The following LRP8 variants were observed in gnomAD, a reference collection of about 807,000 sequenced individuals.
LRP8 encodes the protein LDL receptor related protein 8, also known as low-density lipoprotein receptor-related protein 8.
Under a neutral mutation model 111.6 loss-of-function variants are expected in LRP8, and 46 were observed. That is an observed-to-expected ratio of 0.41 (90% confidence interval 0.33 to 0.53). LRP8 has a LOEUF of 0.53. Among genes scored for constraint, LRP8 ranks in the 20% least tolerant of loss-of-function variants. LRP8 has a pLI of 0.20. For synonymous variants in LRP8, 464 were observed against 511.2 expected (o/e 0.91, Z 1.24); for missense variants, 959 against 1,297.4 (o/e 0.74, Z 4.01).
chr1:53,283,503 ACT>A (rs1647189416), intron 3 of LRP8, among the ~76,000 whole-genome samples: 1 of 137,784 alleles, frequency 7.3e-6, no homozygotes. Flanking sequence ...CCACTTACTT[ACT>A]TACTACATAC....
intron 2 of LRP8, among the ~76,000 whole-genome samples, chr1:53,306,964 C>T (rs1390045069): frequency 1.3e-5 from 2 of 152,210 alleles, no homozygotes; most frequent in African/African-American, 2.4e-5. Flanking sequence ...CCAGGTCACA[C>T]AGCAGTCAGA....
chr1:53,328,000 C>T lies in LRP8; in HGVS notation c.-88G>A. 4 of 858,178 alleles carry T rather than the reference C, an allele frequency of 4.7e-6. No homozygotes were observed. Among genetic ancestry groups the T allele is most frequent in the Non-Finnish European group, 4.2e-6 (3 of 715,498 alleles). The allele number at this position is 858,178 out of a possible 1,614,324, so 53.2% of individuals were successfully genotyped here. ...GCCCTCCGAGTCCTTGCCGCGGCGC[C>T]GGGGTTGCCGCTGCCCCCGCCGCCG... On this transcript the variant is annotated 5_prime_UTR_variant, in exon 1 of 19. Coordinates refer to ENST00000306052, the MANE Select transcript of LRP8 (RefSeq NM_004631.5).
Position 53,318,132 on chromosome 1 carries a change from G to C in LRP8, c.244+8741C>G, listed in dbSNP as rs528117029. On this transcript the variant is annotated intron_variant, in intron 2 of 18. Transcript: ENST00000306052. ...CAGAGAGGGAGAGCCATTCACCCAA[G>C]GTCACACAGCAAGTTAGGGGCATAG... Among the ~76,000 whole-genome samples the C allele has an allele frequency of 1.5e-4, 23 of 152,328 alleles. No individual in the cohort carries two copies. In the South Asian group the frequency reaches 4.8e-3, roughly 32 times the overall value.
chr1:53,260,254 A>G (rs1646279296), intron 13 of LRP8, among the ~76,000 whole-genome samples: 1 of 152,254 alleles, frequency 6.6e-6, no homozygotes, highest in African/African-American at 2.4e-5. Flanking sequence ...TTATGTATTC[A>G]TTTATACCCA....
intron 2 of LRP8, among the ~76,000 whole-genome samples, chr1:53,299,947 G>A (rs970738227): frequency 2.0e-5 from 3 of 152,262 alleles, no homozygotes; most frequent in Non-Finnish European, 4.4e-5. Context: ...GACAGAGGGA[G>A]GGAACTGTGG....
At chr1:53,287,573 A>G (rs919959054) in intron 3 of LRP8, among the ~76,000 whole-genome samples, 1 of 152,200 alleles carries the variant, frequency 6.6e-6, no homozygotes, top group Non-Finnish European at 1.5e-5. Context: ...TGCCTTGGCT[A>G]CTGCTCCCAT....
chr1:53,315,637 G>A (rs1034868248), intron 2 of LRP8, among the ~76,000 whole-genome samples: 13 of 151,998 alleles, frequency 8.6e-5, no homozygotes, highest in Admixed American at 2.0e-4. Flanking sequence ...GTAGGGGCCC[G>A]TCCTGGGGAC....
At chr1:53,258,214 TG>T in intron 14 of LRP8, 104 bp downstream of exon 14, 2 of 1,196,410 alleles carry the variant, frequency 1.7e-6, no homozygotes, top group South Asian at 3.4e-5. Context: ...CCAGGGAAGA[TG>T]GAAGAAAACC....
intron 16 of LRP8, among the ~76,000 whole-genome samples, chr1:53,252,742 A>G (rs1572424317): frequency 6.6e-6 from 1 of 152,336 alleles, no homozygotes; most frequent in East Asian, 1.9e-4. Flanking sequence ...ATAAAAAGGT[A>G]TATTCTCCTC....
chr1:53,271,155 T>G lies in LRP8; in HGVS notation c.1127-2A>C. The G allele has an allele frequency of 6.2e-7, 1 of 1,613,974 alleles. No homozygotes were observed. Among genetic ancestry groups the G allele is most frequent in the Non-Finnish European group, 8.5e-7 (1 of 1,180,000 alleles). ...CTGGGTCCTTGCACTCATCAATGTC[T>G]GTGGGGAGGAGCAGGAGTCAGAACC... On this transcript the variant is annotated splice_acceptor_variant, in intron 7 of 18. Coordinates refer to ENST00000306052, the MANE Select transcript of LRP8 (RefSeq NM_004631.5). LOFTEE classifies it high-confidence loss of function.
At chr1:53,284,244 CACTT>C (rs1446963012) in intron 3 of LRP8, among the ~76,000 whole-genome samples, 1 of 143,652 alleles carries the variant, frequency 7.0e-6, no homozygotes, top group Non-Finnish European at 1.5e-5. Context: ...ATACCCGGGC[CACTT>C]ACTTACTACA....
rs1446887365 is a variant in LRP8, at chr1:53,279,802, T to C, written c.496+785A>G. The stretch of plus-strand genomic sequence containing the variant: ...ACAGCCAGTCTGTCTCCCCCACTAA[T>C]CATGTGTTCCCAGAGGGAAGACTGT... On this transcript the variant is annotated intron_variant, in intron 4 of 18. Coordinates refer to ENST00000306052, the MANE Select transcript of LRP8 (RefSeq NM_004631.5). This position sits in a 1 kb window ranked among gnomAD's most constrained non-coding sequence, Gnocchi z 4.4. 5.3e-5 allele frequency among the ~76,000 whole-genome samples: 8 copies of C among 152,168 alleles called. No homozygotes were observed. Among genetic ancestry groups the C allele is most frequent in the Non-Finnish European group, 2.9e-5 (2 of 68,022 alleles).
chr1:53,277,780 G>A (rs1341139419), intron 4 of LRP8, among the ~76,000 whole-genome samples: 1 of 152,200 alleles, frequency 6.6e-6, no homozygotes, highest in Non-Finnish European at 1.5e-5. Flanking sequence ...CTCTGCCTCT[G>A]CCCTCGTTTC....
At chr1:53,268,676 A>G (rs1236655292) in intron 8 of LRP8, 6 of 152,210 alleles carry the variant, frequency 3.9e-5, no homozygotes, top group East Asian at 1.9e-4. Context: ...TTTCTTAAAC[A>G]TAACATGTCC....
At chr1:53,254,737 T>C (rs1228091759) in intron 16 of LRP8, among the ~76,000 whole-genome samples, 1 of 152,180 alleles carries the variant, frequency 6.6e-6, no homozygotes, top group Non-Finnish European at 1.5e-5. Flanking sequence ...GGTAAGCAGC[T>C]CTATTCATTA....
At chr1:53,310,574 T>C (rs1333304756) in intron 2 of LRP8, among the ~76,000 whole-genome samples, 1 of 152,110 alleles carries the variant, frequency 6.6e-6, no homozygotes, top group African/African-American at 2.4e-5. Flanking sequence ...TGCAGGAGCC[T>C]GTGAGGAGCT....
At chr1:53,276,661 G>A (rs1408659781) in intron 5 of LRP8, 31 bp downstream of exon 5, 3 of 1,484,670 alleles carry the variant, frequency 2.0e-6, no homozygotes, top group Admixed American at 2.1e-5. Context: ...GCAATCCCTG[G>A]GCGGGGCTGG....
intron 4 of LRP8, 91 bp from the exon 5 acceptor site, chr1:53,277,169 A>C (rs2100422994): frequency 3.0e-6 from 4 of 1,343,812 alleles, no homozygotes; most frequent in Non-Finnish European, 3.8e-6. Flanking sequence ...TCCGACCCTC[A>C]CCCGGGGGCC....
intron 4 of LRP8, among the ~76,000 whole-genome samples, chr1:53,278,351 G>A (rs1646994396): frequency 6.6e-6 from 1 of 152,234 alleles, no homozygotes; most frequent in African/African-American, 2.4e-5. Context: ...GCCCCGGTGG[G>A]GCACTGATGC....
Sources: gnomAD v4.1 joint callset for allele counts (sites outside exome capture counted in the v4.1 genomes callset) on GRCh38, gnomAD v4.1.1 for gene constraint, Gnocchi (gnomAD v3.1) non-coding constraint, MANE v1.5 for transcripts, NCBI Gene and HGNC (gene_info 2026-07-23, HGNC 2026-07-21) for gene names.